Variants in NEB observed in about 807,000 individuals in gnomAD.
The protein encoded by NEB is nemaline myopathy type 2.
A neutral mutation model predicts 952.2 loss-of-function variants in NEB; 512 were observed. The ratio of observed to expected loss-of-function variants is 0.54; its 90% CI spans 0.50 to 0.58. The LOEUF (loss-of-function observed/expected upper bound fraction) is 0.58, where lower values mean the gene tolerates loss of function less well. Ranked by LOEUF, NEB falls within the 20% of genes least tolerant of loss-of-function variation. The pLI, the probability that NEB is intolerant of heterozygous loss-of-function variation, is 0.00. For missense variants in NEB, 8,428 were observed against 9,231.1 expected (o/e 0.91, Z 3.56); for synonymous variants, 2,900 against 3,149.8 (o/e 0.92, Z 2.66).
intron 5 of NEB, among the ~76,000 whole-genome samples, chr2:151,725,885 T>A (rs758224561): frequency 4.6e-5 from 7 of 152,136 alleles, no homozygotes; most frequent in Non-Finnish European, 1.0e-4. Flanking sequence ...AGAAAATAAA[T>A]ATAGAAATTG....
intron 7 of NEB, 48 bp from the exon 8 acceptor site, chr2:151,724,412 G>T: frequency 1.4e-6 from 2 of 1,407,400 alleles, no homozygotes; most frequent in Non-Finnish European, 2.0e-6. Context: ...TCACCCAAAG[G>T]CATGAGGATT....
chr2:151,709,155 C>T (rs2099736213), intron 12 of NEB, among the ~76,000 whole-genome samples: 2 of 152,146 alleles, frequency 1.3e-5, no homozygotes, highest in Non-Finnish European at 2.9e-5. Flanking sequence ...AACCTGCGAC[C>T]AGGTTTTTTC....
At chr2:151,544,261 G>T (rs1381516530) in intron 135 of NEB, among the ~76,000 whole-genome samples, 1 of 152,166 alleles carries the variant, frequency 6.6e-6, no homozygotes, top group Non-Finnish European at 1.5e-5. Flanking sequence ...TCTGAGCCCA[G>T]AAAGCCAAAA....
rs999366171 is a variant in NEB at position 151,518,361 on chromosome 2, A to G, written c.22757T>C (p.Leu7586Pro). The part of the protein sequence containing the change: ...KGHYHTIPDN[L>P]EQLHLKEATE... ...GGCCTCTTTTAGGTGAAGCTGCTCC[A>G]GATTATCGGGTATGGTGTGGTAGTG... The change falls in exon 156 of 182, where the codon CTG (leucine) becomes CCG (proline). Residue 7586 changes from leucine (L) to proline (P), a missense_variant. Coordinates refer to ENST00000397345, the MANE Select transcript of NEB (RefSeq NM_001164508.2). 6.2e-7 allele frequency: 1 copy of G among 1,612,220 alleles called. No homozygotes were observed. Among genetic ancestry groups the G allele is most frequent in the Non-Finnish European group, 8.5e-7 (1 of 1,178,440 alleles).
rs1576243073 is a variant in NEB at position 151,525,202 on chromosome 2, C to G, written c.22233G>C (p.Glu7411Asp). 3 of 1,613,976 alleles carry G rather than the reference C, an allele frequency of 1.9e-6. No homozygotes were observed. Among genetic ancestry groups the G allele is most frequent in the Non-Finnish European group, 2.5e-6 (3 of 1,179,842 alleles). Residue 7411 changes from glutamate to aspartate, a missense_variant, in exon 151 of 182, where the codon GAG becomes GAC. Around this residue, in one of 11 missense-constraint regions of NEB, gnomAD observed 3,374 missense variants for 3,651.5 expected, o/e 0.92. Coordinates refer to ENST00000397345, the MANE Select transcript of NEB (RefSeq NM_001164508.2). The part of the protein sequence containing the change: ...SNYSIMLEPP[E>D]VKHAMEVAKK... ...TGGCCACTTCCATAGCATGTTTCACCTCTGGTGGCTCCAGCATGATGGAGT... is the reference window on the plus strand; with the variant it reads ...TGGCCACTTCCATAGCATGTTTCACGTCTGGTGGCTCCAGCATGATGGAGT...
chr2:151,707,745 A>G (rs2099718130), intron 12 of NEB, among the ~76,000 whole-genome samples: 1 of 152,130 alleles, frequency 6.6e-6, no homozygotes, highest in Non-Finnish European at 1.5e-5. Context: ...TTCAGGCAAT[A>G]TAAGCACAGA....
chr2:151,498,082 G>C lies in NEB; in HGVS notation c.24207+178C>G, dbSNP rs1190294330. ...AAAACATGTTTGTTTGTAAATATCA[G>C]ATGAAGTAAAAAATTGACATTAACT... On this transcript the variant is annotated intron_variant, in intron 170 of 181. Coordinates refer to ENST00000397345, the MANE Select transcript of NEB (RefSeq NM_001164508.2). 6 of 1,468,720 alleles carry C rather than the reference G, an allele frequency of 4.1e-6. No individual in the cohort carries two copies. The South Asian group carries it at 7.0e-5, about 17-fold the overall frequency. The allele number at this position is 1,468,720 out of a possible 1,614,324, so 91.0% of individuals were successfully genotyped here.
chr2:151,518,462 G>C (rs372755514), intron 155 of NEB, 40 bp from the exon 156 acceptor site: 1 of 1,238,522 alleles, frequency 8.1e-7, no homozygotes, highest in Non-Finnish European at 1.2e-6. Flanking sequence ...TGATGGAGAA[G>C]CTGCTCAGCA....
At chr2:151,702,898 G>C (rs1310040807) in intron 13 of NEB, among the ~76,000 whole-genome samples, 2 of 151,844 alleles carry the variant, frequency 1.3e-5, no homozygotes, top group African/African-American at 4.8e-5. Context: ...GTGTGAATTT[G>C]ATCCTGTCAT....
chr2:151,485,966 T>C (rs1405103263), intron 181 of NEB, 33 bp from the exon 182 acceptor site: 1 of 1,606,418 alleles, frequency 6.2e-7, no homozygotes, highest in Non-Finnish European at 8.5e-7. Flanking sequence ...GGAAATATTA[T>C]ATGTTGGATT....
chr2:151,687,883 C>T, intron 25 of NEB, 150 bp from the exon 26 acceptor site: 1 of 793,700 alleles, frequency 1.3e-6, no homozygotes. Context: ...ATTGATTTAT[C>T]TATCATCCAG....
intron 157 of NEB, 60 bp from the exon 158 acceptor site, chr2:151,514,988 C>T: frequency 9.3e-7 from 1 of 1,070,000 alleles, no homozygotes; most frequent in Non-Finnish European, 1.4e-6. Flanking sequence ...ATATATCTCT[C>T]CATCTCAGGA....
Position 151,720,596 on chromosome 2 carries a change from CA to C in NEB, c.717+2785del, listed in dbSNP as rs140439578. Reference sequence around the variant, plus strand: ...TGGCCAACTTTCATTGTTCAAAGTCCATAGCATTAGAATGGTATGAAGGTAA... The same window carrying C: ...TGGCCAACTTTCATTGTTCAAAGTCCTAGCATTAGAATGGTATGAAGGTAA... On this transcript the variant is annotated intron_variant, in intron 9 of 181. Coordinates refer to ENST00000397345, the MANE Select transcript of NEB (RefSeq NM_001164508.2). 3.3e-3 allele frequency among the ~76,000 whole-genome samples: 508 copies of C among 152,260 alleles called. 2 individuals carry two copies. The highest frequency in any genetic ancestry group is 0.011 in the African/African-American group (468 of 41,538).
At chr2:151,552,642 G>T in intron 128 of NEB, 30 bp downstream of exon 128, 1 of 1,513,206 alleles carries the variant, frequency 6.6e-7, no homozygotes, top group Non-Finnish European at 9.2e-7. Flanking sequence ...CTTTATTACT[G>T]TCCACTTAAC....
intron 161 of NEB, among the ~76,000 whole-genome samples, chr2:151,512,154 C>T (rs1005424907): frequency 6.6e-6 from 1 of 151,474 alleles, no homozygotes; most frequent in Non-Finnish European, 1.5e-5. Context: ...CCTCAGCCTC[C>T]CAAGTAGCTG....
Position 151,697,631 on chromosome 2 carries a change from G to C in NEB, c.1170C>G (p.Asn390Lys), listed in dbSNP as rs751470649. 49 of 1,608,332 alleles carry C rather than the reference G, an allele frequency of 3.0e-5. No homozygotes were observed. The highest frequency in any genetic ancestry group is 4.0e-5 in the Non-Finnish European group (47 of 1,178,560). ...TGCTCTTTGCTTTTGTCTTTTCATAGTTTTCCTTGTATAGTTTCTGTCAAA... is the reference window on the plus strand; with the variant it reads ...TGCTCTTTGCTTTTGTCTTTTCATACTTTTCCTTGTATAGTTTCTGTCAAA... ...DALSDKLYKE[N>K]YEKTKAKSIN... Residue 390 changes from asparagine (N) to lysine (K), a missense_variant, in exon 14 of 182, where the codon AAC becomes AAG. Transcript: ENST00000397345.
In NEB at chr2:151,552,718, G is replaced by A; in HGVS notation, c.19790C>T (p.Thr6597Ile). Residue 6597 changes from threonine to isoleucine, a missense_variant, in exon 128 of 182, where the codon ACA becomes ATA. Coordinates refer to ENST00000397345, the MANE Select transcript of NEB (RefSeq NM_001164508.2). ...TRNDYKLVTD[T>I]PVYVQAVKSG... ...TTTGACAGCCTGCACGTAGACTGGT[G>A]TATCTGTGACAAGCTTGTAGTCATT... The A allele has an allele frequency of 6.2e-7, 1 of 1,613,398 alleles. No individual in the cohort carries two copies. The highest frequency in any genetic ancestry group is 8.5e-7 in the Non-Finnish European group (1 of 1,179,562).
chr2:151,640,292 T>C, intron 61 of NEB, 63 bp downstream of exon 61: 4 of 1,579,880 alleles, frequency 2.5e-6, no homozygotes, highest in Non-Finnish European at 3.4e-6. Flanking sequence ...ATATTGCCAT[T>C]TTCTCCAAGG....
At position 151,636,237 on chromosome 2, in the gene NEB, A is replaced by T. The variant is rs753363321; in HGVS notation, c.9092T>A (p.Ile3031Asn). The T allele has an allele frequency of 8.1e-6, 13 of 1,608,464 alleles. No individual in the cohort carries two copies. The highest frequency in any genetic ancestry group is 1.1e-5 in the Non-Finnish European group (13 of 1,178,982). Residue 3031 changes from isoleucine (I) to asparagine (N), a missense_variant, in exon 64 of 182, where the codon ATC becomes AAC. Physicochemically the swap from Ile to Asn is moderately radical, Grantham distance 149. This residue lies in a region of NEB where 1,772 missense variants were observed against 1,960.3 expected (regional missense o/e 0.90). Coordinates refer to ENST00000397345, the MANE Select transcript of NEB (RefSeq NM_001164508.2). ...GAATTGACAACTCACGTCACTGATG[A>T]TGTCCCTGGAGGCCTTGGCCGCCAC... is the stretch of plus-strand genomic sequence containing the variant. ...PIVAAKASRDIISDYKYKDGY... is the reference protein window; with the variant it reads ...PIVAAKASRDNISDYKYKDGY...
Sources: gnomAD v4.1 joint callset for allele counts (sites outside exome capture counted in the v4.1 genomes callset) on GRCh38, gnomAD v4.1.1 for gene constraint, gnomAD v4.1.1 regional missense constraint, MANE v1.5 for transcripts, NCBI Gene and HGNC (gene_info 2026-07-23, HGNC 2026-07-21) for gene names.